The following PPP2R5A variants were observed in gnomAD, a reference collection of about 807,000 sequenced individuals.
The protein encoded by PPP2R5A is serine/threonine-protein phosphatase 2A 56 kDa regulatory subunit alpha isoform.
In PPP2R5A, 25 loss-of-function variants were observed where a neutral mutation model predicts 64.2. The observed-to-expected ratio is 0.39, with a 90% CI of 0.28 to 0.54. The LOEUF is 0.54. PPP2R5A is among the 20% of genes least tolerant of loss of function. PPP2R5A has a pLI of 0.67. For missense variants in PPP2R5A, 425 were observed against 576.3 expected, an observed-to-expected ratio of 0.74 and a Z score of 2.69; for synonymous variants, 198 against 201.2, an observed-to-expected ratio of 0.98 and a Z score of 0.13.
chr1:212,289,360 T>TTGGGTC (rs1274608567), intron 1 of PPP2R5A, among the ~76,000 whole-genome samples: 1 of 152,226 alleles, frequency 6.6e-6, no homozygotes, highest in African/African-American at 2.4e-5. Flanking sequence ...ACAAACATCC[T>TTGGGTC]ATTCATTGGG....
chr1:212,353,161 A>T (rs1158250617), intron 8 of PPP2R5A, among the ~76,000 whole-genome samples: 1 of 152,196 alleles, frequency 6.6e-6, no homozygotes, highest in Admixed American at 6.5e-5. Flanking sequence ...TTGTCAAGTT[A>T]TGTTGGACTG....
chr1:212,320,391 C>T (rs1428695208), intron 1 of PPP2R5A, among the ~76,000 whole-genome samples: 1 of 152,206 alleles, frequency 6.6e-6, no homozygotes, highest in Non-Finnish European at 1.5e-5. Flanking sequence ...ATCTTTTCCC[C>T]ACCTTTCCCC....
chr1:212,321,392 G>A (rs888495246), intron 1 of PPP2R5A, among the ~76,000 whole-genome samples: 2 of 151,920 alleles, frequency 1.3e-5, no homozygotes, highest in Non-Finnish European at 2.9e-5. Context: ...CCTCCCAGAC[G>A]GGGTGGCTGC....
At chr1:212,320,921 G>A (rs1351345031) in intron 1 of PPP2R5A, among the ~76,000 whole-genome samples, 2 of 116,548 alleles carry the variant, frequency 1.7e-5, no homozygotes, top group African/African-American at 3.3e-5. Flanking sequence ...CGGACGGGGC[G>A]GCTGGCCGGG....
Position 212,285,988 on chromosome 1 carries a change from C to G in PPP2R5A, c.-123C>G. ...CGGCGGCGTCCCGGGGCCGGAGGGCCGTGGGGCCGGGGCGCAGGGGCGCGA... is the reference window on the plus strand; with the variant it reads ...CGGCGGCGTCCCGGGGCCGGAGGGCGGTGGGGCCGGGGCGCAGGGGCGCGA... On this transcript the variant is annotated 5_prime_UTR_variant, in exon 1 of 13. Transcript: ENST00000261461. The G allele has an allele frequency of 9.7e-7, 1 of 1,028,566 alleles. No homozygotes were observed. The highest frequency in any genetic ancestry group is 1.3e-6 in the Non-Finnish European group (1 of 778,704). 63.7% of individuals were successfully genotyped at this position (1,028,566 alleles called of 1,614,324 possible).
chr1:212,346,333 C>T (rs1246433498), intron 5 of PPP2R5A, among the ~76,000 whole-genome samples: 2 of 151,716 alleles, frequency 1.3e-5, no homozygotes, highest in African/African-American at 4.8e-5. Flanking sequence ...CTCCTGAACT[C>T]AAGCAGTCCT....
At chr1:212,297,793 C>A (rs1571574840) in intron 1 of PPP2R5A, 1 of 144,338 alleles carries the variant, frequency 6.9e-6, no homozygotes, top group African/African-American at 2.4e-5. Flanking sequence ...TACTGAGAAA[C>A]AAGATGAAGT....
intron 1 of PPP2R5A, among the ~76,000 whole-genome samples, chr1:212,301,001 A>G (rs1658790708): frequency 6.6e-6 from 1 of 152,090 alleles, no homozygotes; most frequent in Admixed American, 6.5e-5. Flanking sequence ...GTCCTGCTCT[A>G]GAGACTTGAA....
At chr1:212,289,809 C>A (rs1228029528) in intron 1 of PPP2R5A, among the ~76,000 whole-genome samples, 1 of 151,472 alleles carries the variant, frequency 6.6e-6, no homozygotes, top group Non-Finnish European at 1.5e-5. Context: ...GGTAAACTTT[C>A]CTAGTGTATT....
intron 1 of PPP2R5A, among the ~76,000 whole-genome samples, chr1:212,316,613 T>TTTTTTTTTTG (rs1491340211): frequency 7.2e-6 from 1 of 138,850 alleles, no homozygotes; most frequent in African/African-American, 2.9e-5. Context: ...TTTTTTTTTT[T>TTTTTTTTTTG]AATCTGAAAG....
chr1:212,287,862 C>CT (rs1658532553), intron 1 of PPP2R5A, among the ~76,000 whole-genome samples: 1 of 151,756 alleles, frequency 6.6e-6, no homozygotes. Context: ...AGGTTTGGTG[C>CT]TAGGGTTATT....
rs563456632 is a variant in PPP2R5A at position 212,314,718 on chromosome 1, T to G, written c.182-14417T>G. 4.0e-5 allele frequency among the ~76,000 whole-genome samples: 6 copies of G among 151,860 alleles called. No homozygotes were observed. The East Asian group carries it at 1.2e-3, about 29-fold the overall frequency. On this transcript the variant is annotated intron_variant, in intron 1 of 12. Coordinates refer to ENST00000261461, the MANE Select transcript of PPP2R5A (RefSeq NM_006243.4). ...GACTACAGGCACGTGCCACCATGCC[T>G]GGCTAATTTTTTTTTTTGTATTTTA... is the stretch of plus-strand genomic sequence containing the variant.
At chr1:212,322,047 G>T (rs1320992090) in intron 1 of PPP2R5A, among the ~76,000 whole-genome samples, 2 of 151,514 alleles carry the variant, frequency 1.3e-5, no homozygotes, top group Non-Finnish European at 3.0e-5. Flanking sequence ...AACCAGTCAG[G>T]CGTGGCGGCG....
rs569949915 is a variant in PPP2R5A at position 212,346,157 on chromosome 1, C to T, written c.704+224C>T. On this transcript the variant is annotated intron_variant, in intron 5 of 12. Coordinates refer to ENST00000261461, the MANE Select transcript of PPP2R5A (RefSeq NM_006243.4). ...GTGAGACTACAGGTGTGCACCACCACGCCTGGGTAATTTTTTTGACTTTTA... is the reference window on the plus strand; with the variant it reads ...GTGAGACTACAGGTGTGCACCACCATGCCTGGGTAATTTTTTTGACTTTTA... 1.5e-3 allele frequency among the ~76,000 whole-genome samples: 235 copies of T among 152,044 alleles called. 1 individual carries two copies. The highest frequency in any genetic ancestry group is 3.4e-3 in the Middle Eastern group (1 of 294).
chr1:212,286,307 G>T lies in PPP2R5A; in HGVS notation c.181+16G>T, dbSNP rs768378094. The T allele has an allele frequency of 2.0e-6, 3 of 1,468,808 alleles. No individual in the cohort carries two copies. The highest frequency in any genetic ancestry group is 2.6e-5 in the South Asian group (2 of 78,000). The allele number at this position is 1,468,808 out of a possible 1,614,324, so 91.0% of individuals were successfully genotyped here. Reference sequence around the variant, plus strand: ...CAGCTCAAAGGTAACCTCCGAGGGCGCAGCCCCAGCAGCGAGCGCAGGGGC... The same window carrying T: ...CAGCTCAAAGGTAACCTCCGAGGGCTCAGCCCCAGCAGCGAGCGCAGGGGC... On this transcript the variant is annotated intron_variant, in intron 1 of 12. Transcript: ENST00000261461.
intron 1 of PPP2R5A, among the ~76,000 whole-genome samples, chr1:212,311,207 C>T (rs1659023924): frequency 6.6e-6 from 1 of 152,162 alleles, no homozygotes; most frequent in Admixed American, 6.5e-5. Flanking sequence ...CATGGTGGCT[C>T]AAGCCTATCC....
intron 2 of PPP2R5A, among the ~76,000 whole-genome samples, chr1:212,330,377 A>C (rs919480912): frequency 6.6e-6 from 1 of 151,852 alleles, no homozygotes; most frequent in Admixed American, 6.6e-5. Context: ...AAAAGTACTA[A>C]AAATAAAAAT....
At chr1:212,292,943 A>G (rs351397) in intron 1 of PPP2R5A, among the ~76,000 whole-genome samples, 127,091 of 152,186 alleles carry the variant, frequency 0.84, 53,537 homozygotes, top group African/African-American at 0.95. Context: ...AGAGAATACA[A>G]TCATGGGTTC....
chr1:212,305,141 A>G (rs1012246708), intron 1 of PPP2R5A, among the ~76,000 whole-genome samples: 1 of 143,280 alleles, frequency 7.0e-6, no homozygotes, highest in Admixed American at 7.3e-5. Context: ...GGTTCACGCC[A>G]TTCTCCTGCC....
Sources: allele counts gnomAD v4.1 joint callset (sites outside exome capture counted in the v4.1 genomes callset), GRCh38; gene constraint gnomAD v4.1.1; transcripts MANE v1.5; gene names NCBI Gene and HGNC (gene_info 2026-07-23, HGNC 2026-07-21).